RGL1: variants seen among roughly 807,000 people sequenced by gnomAD.
RGL1 encodes the protein ral guanine nucleotide dissociation stimulator-like 1.
A neutral mutation model predicts 95.2 loss-of-function variants in RGL1; 24 were observed. That is an observed-to-expected ratio of 0.25 (90% CI 0.18 to 0.35). The LOEUF (loss-of-function observed/expected upper bound fraction) is 0.35, where lower values mean the gene tolerates loss of function less well. Ranked by LOEUF, RGL1 falls within the 10% of genes least tolerant of loss-of-function variation. RGL1 has a pLI of 1.00. For missense variants in RGL1, 715 were observed against 936.3 expected (o/e 0.76, Z 3.08); for synonymous variants, 329 against 344.9 (o/e 0.95, Z 0.51).
At chr1:183,772,859 A>C (rs1659357591) in intron 2 of RGL1, among the ~76,000 whole-genome samples, 1 of 149,462 alleles carries the variant, frequency 6.7e-6, no homozygotes, top group Non-Finnish European at 1.5e-5. Context: ...AATACAAAAA[A>C]TTAGCCGGGC....
At chr1:183,888,960 A>G (rs1296292988) in intron 8 of RGL1, among the ~76,000 whole-genome samples, 3 of 152,190 alleles carry the variant, frequency 2.0e-5, no homozygotes, top group Admixed American at 6.5e-5. Flanking sequence ...ATGTGTGCAG[A>G]TAGGACATTA....
At chr1:183,728,208 C>T (rs1656421677) in intron 1 of RGL1, among the ~76,000 whole-genome samples, 1 of 152,152 alleles carries the variant, frequency 6.6e-6, no homozygotes, top group Non-Finnish European at 1.5e-5. Flanking sequence ...TCTACTGATT[C>T]TCAAGCCTTT....
At chr1:183,809,586 C>T (rs535475108) in intron 2 of RGL1, among the ~76,000 whole-genome samples, 4 of 152,076 alleles carry the variant, frequency 2.6e-5, no homozygotes, top group Non-Finnish European at 5.9e-5. Context: ...CTATAATTCT[C>T]GAAGAAAAAT....
At chr1:183,686,911 A>C (rs1482895115) in intron 1 of RGL1, among the ~76,000 whole-genome samples, 1 of 152,164 alleles carries the variant, frequency 6.6e-6, no homozygotes, top group Non-Finnish European at 1.5e-5. Context: ...TTTTTCTCCC[A>C]AAGACTTCTC....
At chr1:183,843,065 G>A (rs1467480546) in intron 2 of RGL1, among the ~76,000 whole-genome samples, 2 of 152,170 alleles carry the variant, frequency 1.3e-5, no homozygotes, top group African/African-American at 2.4e-5. Context: ...TGGCAAATTA[G>A]AAGTCATCAG....
At chr1:183,867,684 T>A (rs1665921875) in intron 4 of RGL1, among the ~76,000 whole-genome samples, 1 of 151,640 alleles carries the variant, frequency 6.6e-6, no homozygotes, top group South Asian at 2.1e-4. Flanking sequence ...CTGATGAGAA[T>A]GTCCTATGAG....
chr1:183,781,388 A>G (rs1659895015), intron 2 of RGL1, among the ~76,000 whole-genome samples: 1 of 152,174 alleles, frequency 6.6e-6, no homozygotes, highest in Admixed American at 6.5e-5. Context: ...CCACATACCC[A>G]GTTGCTATTG....
chr1:183,866,971 G>A (rs1438729258), intron 4 of RGL1, among the ~76,000 whole-genome samples: 1 of 152,166 alleles, frequency 6.6e-6, no homozygotes, highest in Non-Finnish European at 1.5e-5. Context: ...CTGTGTGAGA[G>A]AACAAGAGGA....
At chr1:183,774,308 T>A (rs546847939) in intron 2 of RGL1, among the ~76,000 whole-genome samples, 210 of 152,302 alleles carry the variant, frequency 1.4e-3, no homozygotes, top group Admixed American at 3.1e-3. Context: ...TAAATAAATG[T>A]TTCCTAATTT....
intron 2 of RGL1, among the ~76,000 whole-genome samples, chr1:183,815,214 C>T (rs1187229830): frequency 1.3e-5 from 2 of 151,068 alleles, no homozygotes; most frequent in Admixed American, 6.6e-5. Flanking sequence ...GTGGAGGTTG[C>T]AGTGAGCAGA....
At chr1:183,856,581 G>GA (rs1665163545) in intron 3 of RGL1, among the ~76,000 whole-genome samples, 1 of 150,704 alleles carries the variant, frequency 6.6e-6, no homozygotes, top group Admixed American at 6.6e-5. Context: ...AGCATGGCTG[G>GA]AGCCAGAATG....
chr1:183,852,970 G>A (rs185641390), intron 3 of RGL1, among the ~76,000 whole-genome samples: 85 of 152,320 alleles, frequency 5.6e-4, no homozygotes, highest in South Asian at 2.3e-3. Context: ...TCAGATAGCT[G>A]TCACAATAGC....
chr1:183,839,648 C>T, intron 2 of RGL1, among the ~76,000 whole-genome samples: 1 of 152,186 alleles, frequency 6.6e-6, no homozygotes, highest in East Asian at 1.9e-4. Context: ...CTTGACTATG[C>T]TTAAAACCTC....
chr1:183,761,686 G>A (rs1658672396), intron 2 of RGL1, among the ~76,000 whole-genome samples: 1 of 152,188 alleles, frequency 6.6e-6, no homozygotes, highest in Non-Finnish European at 1.5e-5. Context: ...AAGCTTTGAA[G>A]TCAGGCATTG....
intron 2 of RGL1, among the ~76,000 whole-genome samples, chr1:183,773,902 G>A (rs1290308212): frequency 6.6e-6 from 1 of 152,002 alleles, no homozygotes; most frequent in Non-Finnish European, 1.5e-5. Context: ...GTATCAAGGT[G>A]GGAGGGGAAG....
chr1:183,644,532 C>T (rs1180040994), intron 1 of RGL1, among the ~76,000 whole-genome samples: 6 of 152,078 alleles, frequency 3.9e-5, no homozygotes, highest in Non-Finnish European at 5.9e-5. Flanking sequence ...CTGAAGCAGT[C>T]CTCCTGCCTC....
intron 1 of RGL1, among the ~76,000 whole-genome samples, chr1:183,669,965 C>T (rs139947902): frequency 3.3e-5 from 5 of 152,264 alleles, no homozygotes; most frequent in African/African-American, 1.2e-4. Context: ...TACCTCTCAC[C>T]GGGTCCCTCT....
chr1:183,673,890 A>T (rs576964276), intron 1 of RGL1, among the ~76,000 whole-genome samples: 1 of 152,150 alleles, frequency 6.6e-6, no homozygotes, highest in South Asian at 2.1e-4. Context: ...TGGAGCTTGT[A>T]TGTGTTCCTT....
intron 2 of RGL1, among the ~76,000 whole-genome samples, chr1:183,759,872 A>C (rs1234055542): frequency 6.6e-6 from 1 of 152,248 alleles, no homozygotes; most frequent in East Asian, 1.9e-4. Flanking sequence ...AATGTGCTCA[A>C]GTATCACCTC....
Sources: gnomAD v4.1 joint callset for allele counts (sites outside exome capture counted in the v4.1 genomes callset) on GRCh38, gnomAD v4.1.1 for gene constraint, MANE v1.5 for transcripts, NCBI Gene and HGNC (gene_info 2026-07-23, HGNC 2026-07-21) for gene names.